The following RSPH14 variants were observed in gnomAD, a reference collection of about 807,000 sequenced individuals.
RSPH14 encodes the protein rhabdoid tumor deletion region gene 1.
RSPH14 carries 20 observed loss-of-function variants against 26.7 expected under a neutral mutation model. The ratio of observed to expected loss-of-function variants is 0.75; its 90% CI spans 0.53 to 1.09. The LOEUF (loss-of-function observed/expected upper bound fraction) is 1.09. Ranked by LOEUF, RSPH14 falls within the 50% of genes least tolerant of loss-of-function variation. RSPH14 has a pLI of 0.00. For missense variants in RSPH14, 449 were observed against 457.2 expected (o/e 0.98, Z 0.16); for synonymous variants, 177 against 189.3 (o/e 0.93, Z 0.53).
At chr22:23,111,717 C>G (rs544747727) in intron 4 of RSPH14, among the ~76,000 whole-genome samples, 1 of 152,244 alleles carries the variant, frequency 6.6e-6, no homozygotes, top group Non-Finnish European at 1.5e-5. Flanking sequence ...ACAAGACAGC[C>G]AGTACCTCCC....
intron 2 of RSPH14, among the ~76,000 whole-genome samples, chr22:23,139,395 C>T (rs559690326): frequency 3.3e-4 from 51 of 152,330 alleles, no homozygotes; most frequent in Middle Eastern, 3.4e-3. Context: ...CCAAGGCAAG[C>T]GGATCACCTG....
Position 23,135,623 on chromosome 22 carries a change from C to T in RSPH14, c.303-1479G>A, listed in dbSNP as rs541875270. On this transcript the variant is annotated intron_variant, in intron 3 of 6. Coordinates refer to ENST00000216036, the MANE Select transcript of RSPH14 (RefSeq NM_014433.3). The stretch of plus-strand genomic sequence containing the variant: ...AAAAAAACCAAAGCTGCAAATCAGA[C>T]GATGTTATGAGTATGGTTTAAGCAA... 2.6e-4 allele frequency among the ~76,000 whole-genome samples: 40 copies of T among 152,094 alleles called. 1 individual carries two copies. The South Asian group carries it at 7.5e-3, about 28-fold the overall frequency.
chr22:23,127,152 C>G (rs16997655), intron 4 of RSPH14, among the ~76,000 whole-genome samples: 4,000 of 152,314 alleles, frequency 0.026, 173 homozygotes, highest in African/African-American at 0.09. Flanking sequence ...AACGTCAGCC[C>G]TCCAGAACAA....
At chr22:23,060,971 C>T (rs981472842) in intron 6 of RSPH14, among the ~76,000 whole-genome samples, 2 of 152,158 alleles carry the variant, frequency 1.3e-5, no homozygotes, top group Non-Finnish European at 1.5e-5. Context: ...GATAAACACG[C>T]AGGGGGAGCC....
At chr22:23,070,507 C>A (rs1014136390) in intron 4 of RSPH14, 14 of 149,694 alleles carry the variant, frequency 9.4e-5, no homozygotes, top group African/African-American at 3.2e-4. Flanking sequence ...CCCGTGCTCG[C>A]CGCCCCGCCC....
intron 4 of RSPH14, among the ~76,000 whole-genome samples, chr22:23,078,569 C>T (rs1011477102): frequency 1.3e-5 from 2 of 152,230 alleles, no homozygotes; most frequent in African/African-American, 4.8e-5. Context: ...TGGGGCTCTC[C>T]CTCCTCCCAG....
intron 6 of RSPH14, among the ~76,000 whole-genome samples, chr22:23,060,294 A>G (rs1454512174): frequency 1.3e-5 from 2 of 151,894 alleles, no homozygotes; most frequent in African/African-American, 4.8e-5. Flanking sequence ...ACACAGTGAA[A>G]CCCCGTCTCT....
intron 4 of RSPH14, among the ~76,000 whole-genome samples, chr22:23,104,839 G>A (rs2069413922): frequency 6.6e-6 from 1 of 152,218 alleles, no homozygotes; most frequent in Non-Finnish European, 1.5e-5. Context: ...GGCCCCACTG[G>A]CTCAGTCTAG....
intron 4 of RSPH14, among the ~76,000 whole-genome samples, chr22:23,087,659 TG>T (rs1030391177): frequency 2.3e-4 from 35 of 152,278 alleles, no homozygotes; most frequent in Non-Finnish European, 4.9e-4. Context: ...ACTTGGTGGA[TG>T]GGGGGTAGCC....
intron 4 of RSPH14, among the ~76,000 whole-genome samples, chr22:23,065,457 G>C (rs1374539014): frequency 6.8e-6 from 1 of 146,160 alleles, no homozygotes; most frequent in Non-Finnish European, 1.5e-5. Context: ...TTGTTCTCAG[G>C]GCTCTGACCA....
chr22:23,167,472 C>G, the RSPH14 span, among the ~76,000 whole-genome samples: 11 of 152,292 alleles, frequency 7.2e-5, no homozygotes, highest in Middle Eastern at 3.4e-3. Context: ...CTCCTCCCAG[C>G]CCTGCTGCAG....
the RSPH14 span, chr22:23,159,304 C>A: frequency 6.6e-7 from 1 of 1,507,832 alleles, no homozygotes; most frequent in South Asian, 1.2e-5. Context: ...TGCTCTTGGG[C>A]CAGTCCTGTG....
At chr22:23,145,499 C>A (rs767889938), upstream of RSPH14, 36 of 1,606,996 alleles carry the variant, frequency 2.2e-5, 1 homozygote, top group East Asian at 2.7e-4. Context: ...ATCGCCGCCG[C>A]TGGCTCAGGC....
chr22:23,158,055 C>T, the RSPH14 span: 1 of 1,613,882 alleles, frequency 6.2e-7, no homozygotes. Flanking sequence ...TAAGTCTGGG[C>T]TCTCTGGCCC....
chr22:23,162,391 A>G, the RSPH14 span: 3 of 344,624 alleles, frequency 8.7e-6, no homozygotes. Context: ...GCCCTTGAAC[A>G]TGGCACTGCC....
the RSPH14 span, among the ~76,000 whole-genome samples, chr22:23,159,424 T>C: frequency 6.6e-5 from 10 of 152,202 alleles, no homozygotes; most frequent in African/African-American, 2.2e-4. Flanking sequence ...AGCACTTTCA[T>C]TGCCTAAGAG....
chr22:23,119,200 G>A (rs952155688), intron 4 of RSPH14, among the ~76,000 whole-genome samples: 4 of 152,352 alleles, frequency 2.6e-5, no homozygotes, highest in South Asian at 2.1e-4. Context: ...TGCAGGCACC[G>A]CTGTGACACA....
chr22:23,157,860 G>A, the RSPH14 span: 1 of 1,552,126 alleles, frequency 6.4e-7, no homozygotes, highest in Non-Finnish European at 8.7e-7. Context: ...CTTCATTGTA[G>A]GAGGTTCCGG....
chr22:23,145,359 C>T (rs748881148), upstream of RSPH14: 4 of 1,603,548 alleles, frequency 2.5e-6, no homozygotes, highest in South Asian at 2.2e-5. Context: ...GGCAGGTTCT[C>T]GTTGCTATGG....
Sources: allele counts gnomAD v4.1 joint callset (sites outside exome capture counted in the v4.1 genomes callset), GRCh38; gene constraint gnomAD v4.1.1; transcripts MANE v1.5; gene names NCBI Gene and HGNC (gene_info 2026-07-23, HGNC 2026-07-21).